Variants in TENM3 observed in about 807,000 individuals in gnomAD.
TENM3 encodes teneurin-3.
A neutral mutation model predicts 255.1 loss-of-function variants in TENM3; 63 were observed. That is an observed-to-expected ratio of 0.25 (90% CI 0.20 to 0.30). The LOEUF is 0.30. Among genes scored for constraint, TENM3 ranks in the 10% least tolerant of loss-of-function variants. TENM3 has a pLI of 1.00. For synonymous variants in TENM3, 1,306 were observed against 1,322.3 expected, an observed-to-expected ratio of 0.99 and a Z score of 0.27; for missense variants, 2,929 against 3,461.1, an observed-to-expected ratio of 0.85 and a Z score of 3.86.
chr4:182,342,115 C>A (rs894483160), intron 2 of TENM3, among the ~76,000 whole-genome samples: 1 of 152,172 alleles, frequency 6.6e-6, no homozygotes, highest in Non-Finnish European at 1.5e-5. Flanking sequence ...TTACCATATA[C>A]CCCAGCAGTT....
In TENM3 at chr4:182,799,876, A is replaced by C. The variant is rs201392714; in HGVS notation, c.7625A>C (p.Glu2542Ala). 1 of 1,610,826 alleles carries C rather than the reference A, an allele frequency of 6.2e-7. No individual in the cohort carries two copies. The highest frequency in any genetic ancestry group is 1.3e-5 in the African/African-American group (1 of 75,006). Residue 2542 changes from glutamate (E) to alanine (A), a missense_variant, in exon 28 of 28, where the codon GAG (glutamate) becomes GCG (alanine). This residue lies in a region of TENM3 where 476 missense variants were observed against 480.1 expected (regional missense o/e 0.99). Coordinates refer to ENST00000511685, the MANE Select transcript of TENM3 (RefSeq NM_001080477.4). This position sits in a 1 kb window ranked among gnomAD's most constrained non-coding sequence, Gnocchi z 4.2. ...FYLENLHFTI[E>A]GKDTHYFIKT... ...CTGGAGAACCTGCACTTCACCATCGAGGGCAAGGACACGCACTACTTCATC... is the reference window on the plus strand; with the variant it reads ...CTGGAGAACCTGCACTTCACCATCGCGGGCAAGGACACGCACTACTTCATC...
intron 3 of TENM3, among the ~76,000 whole-genome samples, chr4:182,597,991 G>A (rs542472245): frequency 1.3e-5 from 2 of 152,198 alleles, no homozygotes; most frequent in East Asian, 1.9e-4. Flanking sequence ...ACCAGTCTGG[G>A]CAACATAGTG....
the TENM3 span, among the ~76,000 whole-genome samples, chr4:181,798,154 T>C: frequency 1.3e-5 from 2 of 151,936 alleles, no homozygotes; most frequent in Admixed American, 6.6e-5. Context: ...ATCAAACTCA[T>C]AGAATTTACA....
At chr4:181,943,335 C>T in the TENM3 span, among the ~76,000 whole-genome samples, 1 of 152,034 alleles carries the variant, frequency 6.6e-6, no homozygotes, top group African/African-American at 2.4e-5. Context: ...TTATTTCCAG[C>T]CTTTAGCCAA....
At chr4:182,310,186 ATTTCAGAAGCATAT>A (rs1762361654) in intron 1 of TENM3, among the ~76,000 whole-genome samples, 1 of 151,958 alleles carries the variant, frequency 6.6e-6, no homozygotes, top group African/African-American at 2.4e-5. Flanking sequence ...AGAACTTGTT[ATTTCAGAAGCATAT>A]TTCTTTTTCT....
intron 1 of TENM3, among the ~76,000 whole-genome samples, chr4:182,228,209 G>T (rs1756312527): frequency 6.6e-6 from 1 of 151,824 alleles, no homozygotes; most frequent in South Asian, 2.1e-4. Flanking sequence ...GGGGATTTTT[G>T]CTAAGTGAGT....
At chr4:182,128,208 C>T in the TENM3 span, among the ~76,000 whole-genome samples, 3 of 151,828 alleles carry the variant, frequency 2.0e-5, no homozygotes, top group African/African-American at 7.3e-5. Context: ...ATCCATTTTC[C>T]AATTTTAATG....
At chr4:181,657,803 TAA>T in the TENM3 span, among the ~76,000 whole-genome samples, 18,368 of 151,392 alleles carry the variant, frequency 0.12, 1,122 homozygotes, top group East Asian at 0.16. Context: ...CAACTATATA[TAA>T]AAAAAAAAAC....
At chr4:182,714,965 G>A (rs1465065636) in intron 13 of TENM3, among the ~76,000 whole-genome samples, 1 of 152,092 alleles carries the variant, frequency 6.6e-6, no homozygotes, top group East Asian at 1.9e-4. Flanking sequence ...GCTCACCGCA[G>A]CCTCCACCTC....
intron 3 of TENM3, among the ~76,000 whole-genome samples, chr4:182,578,219 C>T (rs144164006): frequency 7.2e-5 from 11 of 152,276 alleles, no homozygotes; most frequent in East Asian, 5.8e-4. Flanking sequence ...TCGTGATCCG[C>T]GCACTTAGGC....
At chr4:181,611,405 C>T in the TENM3 span, among the ~76,000 whole-genome samples, 1 of 152,106 alleles carries the variant, frequency 6.6e-6, no homozygotes, top group Non-Finnish European at 1.5e-5. Flanking sequence ...TACCCTGTCC[C>T]GTCATGTTGT....
chr4:182,335,088 T>C (rs1210572303), intron 2 of TENM3, among the ~76,000 whole-genome samples: 1 of 152,066 alleles, frequency 6.6e-6, no homozygotes, highest in East Asian at 1.9e-4. Context: ...GGAGTAAGAA[T>C]GAACGCACAG....
chr4:181,762,456 G>T, the TENM3 span, among the ~76,000 whole-genome samples: 1 of 152,142 alleles, frequency 6.6e-6, no homozygotes, highest in Non-Finnish European at 1.5e-5. Context: ...CATGCTCTCA[G>T]TTAGAAAAGG....
rs1051314966 is a variant in TENM3 at position 182,789,290 on chromosome 4, A to C, written c.5502A>C (p.Arg1834=). 1.9e-6 allele frequency: 3 copies of C among 1,613,714 alleles called. No homozygotes were observed. Among genetic ancestry groups the C allele is most frequent in the African/African-American group, 2.7e-5 (2 of 74,920 alleles). Reference sequence around the variant, plus strand: ...CAGGTCAAATTGCCAGCATCCAGCGAGGCACCACTAGCGAGAAAGTAGATT... The same window carrying C: ...CAGGTCAAATTGCCAGCATCCAGCGCGGCACCACTAGCGAGAAAGTAGATT... ...SSTGQIASIQ[R]GTTSEKVDYD... is the part of the protein sequence containing the mutation. Residue 1834 remains arginine, a synonymous_variant, in exon 25 of 28, where the codon CGA becomes CGC. Coordinates refer to ENST00000511685, the MANE Select transcript of TENM3 (RefSeq NM_001080477.4). The surrounding 1 kb of genome is among the most constrained non-coding windows in gnomAD (Gnocchi z 4.4).
the TENM3 span, among the ~76,000 whole-genome samples, chr4:181,696,989 G>C: frequency 7.2e-5 from 11 of 152,210 alleles, no homozygotes; most frequent in African/African-American, 2.7e-4. Flanking sequence ...ATTTCATCTT[G>C]TTGTTGTTGT....
chr4:182,057,637 G>A, the TENM3 span, among the ~76,000 whole-genome samples: 2 of 151,914 alleles, frequency 1.3e-5, no homozygotes, highest in Non-Finnish European at 2.9e-5. Context: ...CTGGCCTCAA[G>A]TGATCCCCCT....
At chr4:182,544,680 T>A (rs1741253662) in intron 3 of TENM3, among the ~76,000 whole-genome samples, 1 of 152,158 alleles carries the variant, frequency 6.6e-6, no homozygotes, top group South Asian at 2.1e-4. Flanking sequence ...GTGTTGCTCA[T>A]CTTCTCCTTA....
the TENM3 span, among the ~76,000 whole-genome samples, chr4:181,512,632 G>T: frequency 6.6e-6 from 1 of 152,084 alleles, no homozygotes; most frequent in African/African-American, 2.4e-5. Flanking sequence ...TGTCACCCAG[G>T]CTCCTGTGCT....
intron 3 of TENM3, among the ~76,000 whole-genome samples, chr4:182,482,550 T>A (rs1475470269): frequency 6.6e-6 from 1 of 152,212 alleles, no homozygotes; most frequent in African/African-American, 2.4e-5. Flanking sequence ...TTCACTGCAC[T>A]GTAGGTTAGA....
Sources: allele counts gnomAD v4.1 joint callset (sites outside exome capture counted in the v4.1 genomes callset), GRCh38; gene constraint gnomAD v4.1.1; regional missense constraint gnomAD v4.1.1; non-coding constraint Gnocchi (gnomAD v3.1); transcripts MANE v1.5; gene names NCBI Gene and HGNC (gene_info 2026-07-23, HGNC 2026-07-21).